Variants in PIAS1 observed in about 807,000 individuals in gnomAD.
The protein encoded by PIAS1 is protein inhibitor of activated STAT 1.
PIAS1 carries 6 observed loss-of-function variants against 71.3 expected under a neutral mutation model. That is an observed-to-expected ratio of 0.08 (90% CI 0.05 to 0.17). The LOEUF is 0.17. Ranked by LOEUF, PIAS1 falls within the 10% of genes least tolerant of loss-of-function variation. PIAS1 has a pLI of 1.00. For missense variants in PIAS1, 555 were observed against 793.6 expected, an observed-to-expected ratio of 0.70 and a Z score of 3.61; for synonymous variants, 303 against 292.9, an observed-to-expected ratio of 1.03 and a Z score of -0.35.
At chr15:68,090,263 C>T (rs1258524895) in intron 2 of PIAS1, among the ~76,000 whole-genome samples, 2 of 151,808 alleles carry the variant, frequency 1.3e-5, no homozygotes, top group African/African-American at 2.4e-5. Context: ...AATGTGGCGG[C>T]GAGATCTTGG....
rs2093033933 is a variant in PIAS1, at chr15:68,178,570, T to C, written c.1481+1916T>C. Among the ~76,000 whole-genome samples, 1 of 152,166 alleles carries C rather than the reference T, an allele frequency of 6.6e-6. No individual in the cohort carries two copies. On this transcript the variant is annotated intron_variant, in intron 11 of 13. Transcript: ENST00000249636. The surrounding 1 kb of genome is among the most constrained non-coding windows in gnomAD (Gnocchi z 4.2). ...GAACAAGTATCTATAGAATTTCAAT[T>C]CCAAGATATTTTGTAAATATCAAAC...
chr15:68,158,081 C>T (rs531024041), intron 7 of PIAS1, among the ~76,000 whole-genome samples: 1 of 152,276 alleles, frequency 6.6e-6, no homozygotes, highest in African/African-American at 2.4e-5. Flanking sequence ...TAAAATCTTA[C>T]CATTCTCATT....
chr15:68,184,215 A>C (rs1311093462), intron 13 of PIAS1: 3 of 152,296 alleles, frequency 2.0e-5, no homozygotes, highest in African/African-American at 7.2e-5. Context: ...ACATGGAAAA[A>C]AATTAAGTGA....
At chr15:68,145,417 A>G (rs1013658892) in intron 4 of PIAS1, among the ~76,000 whole-genome samples, 1 of 152,208 alleles carries the variant, frequency 6.6e-6, no homozygotes, top group African/African-American at 2.4e-5. Flanking sequence ...TTATTAGCCT[A>G]TTAAAAGCTC....
chr15:68,143,074 CATATAT>C (rs915923618), intron 4 of PIAS1, among the ~76,000 whole-genome samples: 1 of 150,640 alleles, frequency 6.6e-6, no homozygotes, highest in South Asian at 2.1e-4. Context: ...CTTTTATATA[CATATAT>C]ATATATATCT....
chr15:68,155,460 A>C (rs1210420309), intron 7 of PIAS1, among the ~76,000 whole-genome samples: 3 of 151,236 alleles, frequency 2.0e-5, no homozygotes, highest in Non-Finnish European at 2.9e-5. Flanking sequence ...AAAAAAAAAA[A>C]AAAAAAAAAA....
chr15:68,182,577 C>T (rs1033680964), intron 12 of PIAS1, among the ~76,000 whole-genome samples: 9 of 151,618 alleles, frequency 5.9e-5, no homozygotes, highest in South Asian at 2.1e-4. Context: ...TGTGCCACCA[C>T]GCCTGGCTAA....
At chr15:68,126,148 T>G (rs908120309) in intron 2 of PIAS1, among the ~76,000 whole-genome samples, 1 of 152,252 alleles carries the variant, frequency 6.6e-6, no homozygotes, top group Non-Finnish European at 1.5e-5. Context: ...TCTGGAAACT[T>G]GTTCTTTACT....
chr15:68,105,580 C>T (rs779860943), intron 2 of PIAS1, among the ~76,000 whole-genome samples: 2 of 152,154 alleles, frequency 1.3e-5, no homozygotes, highest in African/African-American at 2.4e-5. Context: ...AAGTCTGCAG[C>T]TTCCTTTCAC....
At chr15:68,104,176 C>A (rs1012320251) in intron 2 of PIAS1, among the ~76,000 whole-genome samples, 3 of 152,126 alleles carry the variant, frequency 2.0e-5, no homozygotes, top group African/African-American at 7.2e-5. Flanking sequence ...TTCTCTCTTA[C>A]AAATAGCACG....
chr15:68,147,018 C>T (rs1340715882), intron 6 of PIAS1, among the ~76,000 whole-genome samples: 1 of 152,040 alleles, frequency 6.6e-6, no homozygotes, highest in African/African-American at 2.4e-5. Flanking sequence ...TACTATTGAG[C>T]GTGTTACTTG....
chr15:68,059,493 C>G (rs1044702693), intron 1 of PIAS1, among the ~76,000 whole-genome samples: 2 of 151,560 alleles, frequency 1.3e-5, no homozygotes, highest in Non-Finnish European at 2.9e-5. Flanking sequence ...GGGCGGATCA[C>G]GAGGTCAGGA....
chr15:68,112,436 C>G (rs1282856042), intron 2 of PIAS1, among the ~76,000 whole-genome samples: 2 of 152,052 alleles, frequency 1.3e-5, no homozygotes, highest in South Asian at 2.1e-4. Flanking sequence ...TCTCATGAAC[C>G]CTTTCCAGGT....
In PIAS1 at chr15:68,054,644, T is replaced by G; in HGVS notation, c.24+294T>G. Reference sequence around the variant, plus strand: ...GGAGTCCGGAGGTAGGGGCTGCAGCTGTCTCATGGGCTCGGCTTTTTCACC... The same window carrying G: ...GGAGTCCGGAGGTAGGGGCTGCAGCGGTCTCATGGGCTCGGCTTTTTCACC... On this transcript the variant is annotated intron_variant, in intron 1 of 13. Coordinates refer to ENST00000249636, the MANE Select transcript of PIAS1 (RefSeq NM_016166.3). The surrounding 1 kb of genome is among the most constrained non-coding windows in gnomAD (Gnocchi z 4.6). The G allele has an allele frequency of 2.0e-5, 6 of 304,698 alleles. No individual in the cohort carries two copies. Among genetic ancestry groups the G allele is most frequent in the East Asian group, 5.7e-5 (1 of 17,670 alleles). 18.9% of individuals were successfully genotyped at this position (304,698 alleles called of 1,614,324 possible). A position where few individuals can be genotyped will look rare whatever the true frequency, so the allele number is the denominator to read the frequency against.
intron 1 of PIAS1, among the ~76,000 whole-genome samples, chr15:68,083,579 A>G (rs773961249): frequency 1.3e-5 from 2 of 152,150 alleles, no homozygotes; most frequent in Non-Finnish European, 2.9e-5. Flanking sequence ...CTGTTATCCA[A>G]TTAAAGGCAT....
At chr15:68,119,278 TACACATACACAC>T (rs1482631537) in intron 2 of PIAS1, among the ~76,000 whole-genome samples, 21 of 132,366 alleles carry the variant, frequency 1.6e-4, no homozygotes, top group Non-Finnish European at 2.7e-4. Context: ...TATATATATG[TACACATACACAC>T]ACACATACTC....
At chr15:68,154,568 C>T (rs932902393) in intron 7 of PIAS1, among the ~76,000 whole-genome samples, 19 of 152,180 alleles carry the variant, frequency 1.2e-4, no homozygotes, top group African/African-American at 4.1e-4. Context: ...AGCAGCTTTC[C>T]TTTTGTAGCA....
chr15:68,089,454 C>G (rs1370061112), intron 2 of PIAS1, among the ~76,000 whole-genome samples: 3 of 152,116 alleles, frequency 2.0e-5, no homozygotes, highest in African/African-American at 7.2e-5. Flanking sequence ...TTTCTTTAAC[C>G]TTTTTCATTT....
chr15:68,192,128 C>G lies in PIAS1; in HGVS notation c.*4293C>G, dbSNP rs1331176007. On this transcript the variant is annotated 3_prime_UTR_variant, in exon 14 of 14. Coordinates refer to ENST00000249636, the MANE Select transcript of PIAS1 (RefSeq NM_016166.3). ...TGCCATCTAAATCATTGGTATCTATCTCCCATCTAATCTTTGGTATTCCAG... is the reference window on the plus strand; with the variant it reads ...TGCCATCTAAATCATTGGTATCTATGTCCCATCTAATCTTTGGTATTCCAG... 1.3e-5 allele frequency: 2 copies of G among 152,218 alleles called. No homozygotes were observed. Among genetic ancestry groups the G allele is most frequent in the Non-Finnish European group, 2.9e-5 (2 of 68,048 alleles). 9.4% of individuals were successfully genotyped at this position (152,218 alleles called of 1,614,324 possible).
Sources: allele counts gnomAD v4.1 joint callset (sites outside exome capture counted in the v4.1 genomes callset), GRCh38; gene constraint gnomAD v4.1.1; non-coding constraint Gnocchi (gnomAD v3.1); transcripts MANE v1.5; gene names NCBI Gene and HGNC (gene_info 2026-07-23, HGNC 2026-07-21).